RP1: variants seen among roughly 807,000 people sequenced by gnomAD.
RP1 encodes oxygen-regulated protein 1.
A neutral mutation model predicts 14.8 loss-of-function variants in RP1; 16 were observed. The ratio of observed to expected loss-of-function variants is 1.08; its 90% CI spans 0.73 to 1.65. The LOEUF (loss-of-function observed/expected upper bound fraction) is 1.65. Ranked by LOEUF, RP1 falls within the 40% of genes most tolerant of loss-of-function variation. The pLI is 0.00. For missense variants in RP1, 2,631 were observed against 2,535.0 expected (o/e 1.04, Z -0.81); for synonymous variants, 876 against 883.6 (o/e 0.99, Z 0.15).
At chr8:54,774,942 T>C (rs1809996749), downstream of RP1, among the ~76,000 whole-genome samples, 1 of 152,160 alleles carries the variant, frequency 6.6e-6, no homozygotes, top group African/African-American at 2.4e-5. Context: ...TTCTAAACCT[T>C]GGGACTACTG....
rs1490877675 is a variant in RP1 at position 54,627,668 on chromosome 8, C to T, written c.3786C>T (p.Cys1262=). Reference sequence around the variant, plus strand: ...TGACTTGCTCTCCATGTGAGATGTGCACTGTAAATAAGGCTTATTCTCCAA... The same window carrying T: ...TGACTTGCTCTCCATGTGAGATGTGTACTGTAAATAAGGCTTATTCTCCAA... ...LEVTCSPCEM[C]TVNKAYSPKE... The change falls in exon 4 of 4, where the codon TGC becomes TGT. Residue 1262 remains cysteine (C), a synonymous_variant. Transcript: ENST00000220676. The T allele has an allele frequency of 1.2e-6, 2 of 1,614,082 alleles. No homozygotes were observed. Among genetic ancestry groups the T allele is most frequent in the Non-Finnish European group, 8.5e-7 (1 of 1,179,996 alleles).
rs938538173 is a variant in RP1, at chr8:54,625,751, C to A, written c.1869C>A (p.Asp623Glu). ...THFSSNNSGTDKNISEAPASE... is the reference protein window; with the variant it reads ...THFSSNNSGTEKNISEAPASE... ...TTTCAAGTAATAACTCTGGAACTGA[C>A]AAAAATATTTCTGAGGCTCCAGCTT... Residue 623 changes from aspartate to glutamate, a missense_variant, in exon 4 of 4, where the codon GAC becomes GAA. Asp to Glu is a conservative substitution (Grantham distance 45). Coordinates refer to ENST00000220676, the MANE Select transcript of RP1 (RefSeq NM_006269.2). The A allele has an allele frequency of 6.2e-7, 1 of 1,613,802 alleles. No homozygotes were observed. The highest frequency in any genetic ancestry group is 8.5e-7 in the Non-Finnish European group (1 of 1,179,972).
chr8:54,804,067 C>A (rs1446215529), intron 24 of RP1, among the ~76,000 whole-genome samples: 5 of 142,320 alleles, frequency 3.5e-5, no homozygotes, highest in African/African-American at 1.0e-4. Flanking sequence ...GACTCTATCT[C>A]AAAAAAAATA....
intron 16 of RP1, among the ~76,000 whole-genome samples, chr8:54,722,026 T>C (rs189644341): frequency 3.0e-4 from 45 of 152,042 alleles, no homozygotes; most frequent in African/African-American, 1.1e-3. Flanking sequence ...GTGGATCACT[T>C]GAGGCCAGGA....
chr8:54,816,673 T>TA (rs1811138602), intron 24 of RP1, among the ~76,000 whole-genome samples: 1 of 152,210 alleles, frequency 6.6e-6, no homozygotes, highest in African/African-American at 2.4e-5. Flanking sequence ...CTTTTACTAT[T>TA]ACTTCCTTGC....
Position 54,848,141 on chromosome 8 carries a change from G to A in RP1, c.3836-4433G>A, listed in dbSNP as rs535678593. ...TCATTTCTCCATGCCTCACCTATGT[G>A]TGGGCTCAGATATCTGGTGCAGGCA... On this transcript the variant is annotated intron_variant, in intron 25 of 28. Transcript: ENST00000637698. 3.9e-5 allele frequency among the ~76,000 whole-genome samples: 6 copies of A among 152,242 alleles called. No individual in the cohort carries two copies. The East Asian group carries it at 1.2e-3, about 29-fold the overall frequency.
chr8:54,790,637 A>C (rs139425791), intron 24 of RP1, among the ~76,000 whole-genome samples: 1 of 152,294 alleles, frequency 6.6e-6, no homozygotes, highest in African/African-American at 2.4e-5. Context: ...ATAGAAGTTC[A>C]ACAAGGACAT....
chr8:54,658,552 A>G (rs940278440), intron 6 of RP1, among the ~76,000 whole-genome samples: 1 of 147,160 alleles, frequency 6.8e-6, no homozygotes, highest in Non-Finnish European at 1.5e-5. Flanking sequence ...CTCCGTCTCA[A>G]AAAAAAAAAA....
chr8:54,785,060 G>A (rs1030899768), intron 24 of RP1, among the ~76,000 whole-genome samples: 6 of 152,016 alleles, frequency 3.9e-5, no homozygotes, highest in African/African-American at 1.2e-4. Flanking sequence ...CATTTAAAGT[G>A]TATAAAGTGT....
At chr8:54,672,173 C>A (rs892064121) in intron 7 of RP1, among the ~76,000 whole-genome samples, 1 of 152,210 alleles carries the variant, frequency 6.6e-6, no homozygotes, top group Non-Finnish European at 1.5e-5. Flanking sequence ...GTTGAAAAGA[C>A]AGGCTGCAGG....
At chr8:54,771,289 G>T (rs1021328773), downstream of RP1, among the ~76,000 whole-genome samples, 10 of 151,974 alleles carry the variant, frequency 6.6e-5, no homozygotes, top group African/African-American at 2.2e-4. Flanking sequence ...AAGTAATAAG[G>T]CTTGAAATGA....
chr8:54,772,806 A>G (rs1280935360), downstream of RP1, among the ~76,000 whole-genome samples: 1 of 152,144 alleles, frequency 6.6e-6, no homozygotes, highest in Non-Finnish European at 1.5e-5. Context: ...TGTGTGTGAG[A>G]GAGTATTTAT....
chr8:54,753,038 T>C (rs1809413624), intron 19 of RP1, among the ~76,000 whole-genome samples: 1 of 152,226 alleles, frequency 6.6e-6, no homozygotes, highest in South Asian at 2.1e-4. Context: ...ACAGTAACCA[T>C]ATGAGATAGT....
chr8:54,584,081 A>C (rs1585526835), intron 1 of RP1, among the ~76,000 whole-genome samples: 1 of 151,752 alleles, frequency 6.6e-6, no homozygotes, highest in African/African-American at 2.4e-5. Flanking sequence ...TAGTTCTTTT[A>C]ATTGTGATGT....
At chr8:54,585,015 T>A (rs973169971) in intron 1 of RP1, among the ~76,000 whole-genome samples, 5 of 152,200 alleles carry the variant, frequency 3.3e-5, no homozygotes, top group African/African-American at 1.2e-4. Flanking sequence ...AGGTTAATAT[T>A]GTTATGTGTG....
intron 1 of RP1, among the ~76,000 whole-genome samples, chr8:54,590,805 T>A (rs552504328): frequency 6.6e-6 from 1 of 152,332 alleles, no homozygotes; most frequent in African/African-American, 2.4e-5. Context: ...TAGCCAACTG[T>A]CTACCTGACA....
chr8:54,664,729 G>C (rs564245325), intron 7 of RP1, among the ~76,000 whole-genome samples: 2 of 151,998 alleles, frequency 1.3e-5, no homozygotes, highest in Non-Finnish European at 2.9e-5. Flanking sequence ...TTTAGGGTTG[G>C]GTTATTTGTA....
Position 54,574,471 on chromosome 8 carries a change from G to A in RP1, c.-13+15151G>A, listed in dbSNP as rs144554239. 6.6e-5 allele frequency among the ~76,000 whole-genome samples: 10 copies of A among 152,178 alleles called. No homozygotes were observed. The East Asian group carries it at 1.9e-3, about 29-fold the overall frequency. On this transcript the variant is annotated intron_variant, in intron 1 of 22. Transcript: ENST00000636932. ...GTTTTGGGTAAGAAGAAAGGGGGTG[G>A]GAGATGGCATTCCGAGCAGAGGGAA... is the stretch of plus-strand genomic sequence containing the variant.
intron 22 of RP1, among the ~76,000 whole-genome samples, chr8:54,765,048 C>T (rs1461848758): frequency 6.6e-6 from 1 of 152,230 alleles, no homozygotes; most frequent in Admixed American, 6.5e-5. Flanking sequence ...GCCTTGACGG[C>T]CTGGCAGAGA....
Sources: gnomAD v4.1 joint callset for allele counts (sites outside exome capture counted in the v4.1 genomes callset) on GRCh38, gnomAD v4.1.1 for gene constraint, MANE v1.5 for transcripts, NCBI Gene and HGNC (gene_info 2026-07-23, HGNC 2026-07-21) for gene names.